NYNRIN: variants seen among roughly 807,000 people sequenced by gnomAD.
The protein encoded by NYNRIN is protein NYNRIN.
NYNRIN carries 86 observed loss-of-function variants against 146.6 expected under a neutral mutation model. The ratio of observed to expected loss-of-function variants is 0.59; its 90% confidence interval spans 0.49 to 0.70. NYNRIN has a LOEUF of 0.70. NYNRIN is among the 30% of genes least tolerant of loss of function. The pLI is 0.00. For synonymous variants in NYNRIN, 1,027 were observed against 1,001.3 expected, an observed-to-expected ratio of 1.03 and a Z score of -0.48; for missense variants, 2,191 against 2,377.7, an observed-to-expected ratio of 0.92 and a Z score of 1.63.
chr14:24,411,361 C>T lies in NYNRIN; in HGVS notation c.2553C>T (p.His851=). ...TCTGCCTTTCACCCCCAGAGAGCCA[C>T]TTTCTGACGAAGCTACACTCGCTCA... ...LKKNRRVRES[H]FLTKLHSLKM... The change falls in exon 6 of 9, where the codon CAC becomes CAT. Residue 851 remains histidine (H), a synonymous_variant. Coordinates refer to ENST00000382554, the MANE Select transcript of NYNRIN (RefSeq NM_025081.3). This position sits in a 1 kb window ranked among gnomAD's most constrained non-coding sequence, Gnocchi z 4.3. The T allele has an allele frequency of 2.5e-6, 4 of 1,614,032 alleles. No homozygotes were observed. Among genetic ancestry groups the T allele is most frequent in the South Asian group, 1.1e-5 (1 of 91,084 alleles).
Position 24,417,272 on chromosome 14 carries a change from C to T in NYNRIN, c.5523C>T (p.Gly1841=), listed in dbSNP as rs1205945882. 1 of 1,614,034 alleles carries T rather than the reference C, an allele frequency of 6.2e-7. No homozygotes were observed. The highest frequency in any genetic ancestry group is 8.5e-7 in the Non-Finnish European group (1 of 1,179,876). The change falls in exon 9 of 9, where the codon GGC becomes GGT. Residue 1841 remains glycine (G), a synonymous_variant. Coordinates refer to ENST00000382554, the MANE Select transcript of NYNRIN (RefSeq NM_025081.3). ...TTTTGCTGTCCCTCCCCAGGAATGG[C>T]AGCAGTGCCAAATGGGTGGGTCCCT... ...QVLLLSLPRN[G]SSAKWVGPFY...
rs1444124416 is a variant in NYNRIN at position 24,409,928 on chromosome 14, T to A, written c.2134T>A (p.Ser712Thr). 1.2e-6 allele frequency: 2 copies of A among 1,613,596 alleles called. No homozygotes were observed. Among genetic ancestry groups the A allele is most frequent in the Admixed American group, 3.3e-5 (2 of 59,962 alleles). The change falls in exon 4 of 9, where the codon TCC (serine) becomes ACC (threonine). Residue 712 changes from serine (S) to threonine (T), a missense_variant. Ser to Thr is a moderately conservative substitution (Grantham distance 58). Coordinates refer to ENST00000382554, the MANE Select transcript of NYNRIN (RefSeq NM_025081.3). The stretch of plus-strand genomic sequence containing the variant: ...CCAGCCTACATCAAGGGCTAGTGTC[T>A]CCTTACTGAAGGGCCAGGGGCAGGC... ...EVQPTSRASV[S>T]LLKGQGQAGR...
rs772058396 is a variant in NYNRIN, at chr14:24,416,063, T to C, written c.4314T>C (p.Ala1438=). ...YRTSYRGSLF[A]VTVDTLAKQG... ...CCTCCTACCGGGGCTCTCTGTTTGC[T>C]GTGACAGTGGACACCCTGGCCAAGC... Residue 1438 remains alanine, a synonymous_variant, in exon 9 of 9, where the codon GCT becomes GCC. Coordinates refer to ENST00000382554, the MANE Select transcript of NYNRIN (RefSeq NM_025081.3). 6.2e-7 allele frequency: 1 copy of C among 1,613,992 alleles called. No homozygotes were observed. The highest frequency in any genetic ancestry group is 1.1e-5 in the South Asian group (1 of 91,090).
At chr14:24,407,280 G>A (rs578202900) in intron 2 of NYNRIN, among the ~76,000 whole-genome samples, 41 of 152,308 alleles carry the variant, frequency 2.7e-4, no homozygotes, top group African/African-American at 9.1e-4. Flanking sequence ...TACTTTCTGC[G>A]TATTAATTCA....
intron 4 of NYNRIN, among the ~76,000 whole-genome samples, chr14:24,410,779 C>A (rs1399277135): frequency 6.6e-6 from 1 of 152,230 alleles, no homozygotes; most frequent in East Asian, 1.9e-4. Context: ...TTGCTTTAAG[C>A]CCTCAACTGA....
intron 1 of NYNRIN, 30 bp downstream of exon 1, chr14:24,399,116 C>G (rs1594735510): frequency 4.8e-6 from 4 of 831,858 alleles, no homozygotes; most frequent in East Asian, 5.8e-5. Context: ...GGAAGGAGGC[C>G]GTGCGGGGGG....
At chr14:24,406,293 CAGAAAG>C (rs1306062849) in intron 2 of NYNRIN, among the ~76,000 whole-genome samples, 1 of 151,350 alleles carries the variant, frequency 6.6e-6, no homozygotes. Context: ...AAGCTCTCTG[CAGAAAG>C]AGAAAGAAGC....
chr14:24,409,435 C>T lies in NYNRIN; in HGVS notation c.1641C>T (p.Pro547=), dbSNP rs1224631261. The stretch of plus-strand genomic sequence containing the variant: ...CAGTGCCTGAAACTCTCAAAGTGCC[C>T]ATGGCTGCAGCAGTGCCCAAAGCTG... ...AQTVPETLKV[P]MAAAVPKAEN... The change falls in exon 4 of 9, where the codon CCC becomes CCT. Residue 547 remains proline, a synonymous_variant. Transcript: ENST00000382554. 4.3e-6 allele frequency: 7 copies of T among 1,613,872 alleles called. No homozygotes were observed. In the Admixed American group the frequency reaches 1.0e-4, roughly 23 times the overall value.
chr14:24,418,010 A>G lies in NYNRIN; in HGVS notation c.*564A>G. On this transcript the variant is annotated 3_prime_UTR_variant, in exon 9 of 9. Transcript: ENST00000382554. ...CCTAGCCTCACGGTCAGCTTTCTCAAGCCAGGTGTGGCCTGCACAGCTCTC... is the reference window on the plus strand; with the variant it reads ...CCTAGCCTCACGGTCAGCTTTCTCAGGCCAGGTGTGGCCTGCACAGCTCTC... 3.4e-6 allele frequency: 1 copy of G among 291,606 alleles called. No homozygotes were observed. The highest frequency in any genetic ancestry group is 6.7e-6 in the Non-Finnish European group (1 of 149,292). The allele number at this position is 291,606 out of a possible 1,614,324, so 18.1% of individuals were successfully genotyped here.
chr14:24,406,604 A>T (rs2042876892), intron 2 of NYNRIN, among the ~76,000 whole-genome samples: 1 of 152,228 alleles, frequency 6.6e-6, no homozygotes, highest in Non-Finnish European at 1.5e-5. Flanking sequence ...TGGAAGAGGG[A>T]CACGTAGGCC....
At chr14:24,410,233 G>A (rs886236890) in intron 4 of NYNRIN, 25 bp downstream of exon 4, 10 of 1,544,080 alleles carry the variant, frequency 6.5e-6, no homozygotes, top group Middle Eastern at 1.7e-4. Context: ...GCGTGGGGTG[G>A]GCTGGGGATG....
chr14:24,406,326 C>T (rs914568769), intron 2 of NYNRIN, among the ~76,000 whole-genome samples: 11 of 152,224 alleles, frequency 7.2e-5, no homozygotes, highest in African/African-American at 2.4e-4. Context: ...TAATCTTCTT[C>T]CCCAGCACAT....
In NYNRIN at chr14:24,414,913, A is replaced by C. The variant is rs1594742744; in HGVS notation, c.3164A>C (p.Asp1055Ala). ...HDPPDGALDIDLLPGAASPYL... is the reference protein window; with the variant it reads ...HDPPDGALDIALLPGAASPYL... ...CCCCCTGATGGGGCCCTGGACATCG[A>C]CCTCCTGCCAGGGGCAGCTTCTCCC... Residue 1055 changes from aspartate (D) to alanine (A), a missense_variant, in exon 9 of 9, where the codon GAC becomes GCC. Coordinates refer to ENST00000382554, the MANE Select transcript of NYNRIN (RefSeq NM_025081.3). The C allele has an allele frequency of 1.9e-6, 3 of 1,601,256 alleles. No individual in the cohort carries two copies. Among genetic ancestry groups the C allele is most frequent in the Non-Finnish European group, 2.6e-6 (3 of 1,170,650 alleles).
rs146414871 is a variant in NYNRIN, at chr14:24,414,712, A to T, written c.2963A>T (p.Asn988Ile). ...TCTGGGCCCCTGGAGAGTCTGCCGA[A>T]TATGGAAGAAGTCAGGGAAGAGAAG... ...ADSGPLESLP[N>I]MEEVREEKEE... Residue 988 changes from asparagine (N) to isoleucine (I), a missense_variant, in exon 9 of 9, where the codon AAT becomes ATT. Asn to Ile is a moderately radical substitution (Grantham distance 149, BLOSUM62 -3). Transcript: ENST00000382554. The T allele has an allele frequency of 5.0e-6, 8 of 1,613,666 alleles. No individual in the cohort carries two copies.
rs2042822279 is a variant in NYNRIN, at chr14:24,399,075, G to A, written c.-29G>A. 5 of 574,672 alleles carry A rather than the reference G, an allele frequency of 8.7e-6. No homozygotes were observed. The highest frequency in any genetic ancestry group is 7.8e-5 in the Admixed American group (2 of 25,658). 35.6% of individuals were successfully genotyped at this position (574,672 alleles called of 1,614,324 possible). On this transcript the variant is annotated 5_prime_UTR_variant, in exon 1 of 9. Coordinates refer to ENST00000382554, the MANE Select transcript of NYNRIN (RefSeq NM_025081.3). Reference sequence around the variant, plus strand: ...ACCAAGCTCCAGAGGGCGGGCGCCCGAGCCGTGCGGGGTGGGTCCCGCCGC... The same window carrying A: ...ACCAAGCTCCAGAGGGCGGGCGCCCAAGCCGTGCGGGGTGGGTCCCGCCGC...
chr14:24,407,829 C>CA (rs1566484168), intron 2 of NYNRIN, 40 bp from the exon 3 acceptor site: 3 of 1,540,502 alleles, frequency 1.9e-6, no homozygotes, highest in Non-Finnish European at 1.8e-6. Flanking sequence ...GGCAGGCCCC[C>CA]AACGGGCTGA....
Position 24,419,088 on chromosome 14 carries a change from A to AT in NYNRIN, c.*1647dup. On this transcript the variant is annotated 3_prime_UTR_variant, in exon 9 of 9. Transcript: ENST00000382554. ...ATAGCTGAGAAGTGGAAAGTGTGGG[A>AT]TTTTTGGCAGGTGCTCTCTTTCCTC... is the stretch of plus-strand genomic sequence containing the variant. 1 of 152,344 alleles carries AT rather than the reference A, an allele frequency of 6.6e-6. No individual in the cohort carries two copies. The highest frequency in any genetic ancestry group is 2.1e-4 in the South Asian group (1 of 4,818). The allele number at this position is 152,344 out of a possible 1,614,324, so 9.4% of individuals were successfully genotyped here.
intron 2 of NYNRIN, among the ~76,000 whole-genome samples, chr14:24,406,872 C>A (rs1188130522): frequency 6.6e-6 from 1 of 152,258 alleles, no homozygotes; most frequent in Non-Finnish European, 1.5e-5. Flanking sequence ...ACCTCGCCCA[C>A]CCCAGCCACT....
Position 24,409,345 on chromosome 14 carries a change from A to G in NYNRIN, c.1551A>G (p.Pro517=). 3.1e-6 allele frequency: 5 copies of G among 1,614,042 alleles called. No homozygotes were observed. The highest frequency in any genetic ancestry group is 4.2e-6 in the Non-Finnish European group (5 of 1,179,878). ...AAGAGGGACCCGCTCCAGTGCTGCC[A>G]ACAGGGCAAGGGAAGCCCGTGGCTC... ...GLEEGPAPVL[P]TGQGKPVAQG... is the part of the protein sequence containing the mutation. Residue 517 remains proline (P), a synonymous_variant, in exon 4 of 9, where the codon CCA becomes CCG. Coordinates refer to ENST00000382554, the MANE Select transcript of NYNRIN (RefSeq NM_025081.3).
Sources: allele counts gnomAD v4.1 joint callset (sites outside exome capture counted in the v4.1 genomes callset), GRCh38; gene constraint gnomAD v4.1.1; non-coding constraint Gnocchi (gnomAD v3.1); transcripts MANE v1.5; gene names NCBI Gene and HGNC (gene_info 2026-07-23, HGNC 2026-07-21).